SMARCA2: variants seen among roughly 807,000 people sequenced by gnomAD.
The protein encoded by SMARCA2 is SWI/SNF-related matrix-associated actin-dependent regulator of chromatin subfamily A member 2.
A neutral mutation model predicts 199.8 loss-of-function variants in SMARCA2; 61 were observed. The ratio of observed to expected loss-of-function variants is 0.31; its 90% CI spans 0.25 to 0.38. The LOEUF (loss-of-function observed/expected upper bound fraction) is 0.38. Among genes scored for constraint, SMARCA2 ranks in the 10% least tolerant of loss-of-function variants. SMARCA2 has a pLI of 1.00. For synonymous variants in SMARCA2, 935 were observed against 732.0 expected (o/e 1.28, Z -4.48); for missense variants, 1,344 against 2,012.2 (o/e 0.67, Z 6.35).
chr9:2,075,974 T>G (rs1328045438), intron 12 of SMARCA2, among the ~76,000 whole-genome samples: 1 of 152,238 alleles, frequency 6.6e-6, no homozygotes, highest in Non-Finnish European at 1.5e-5. Context: ...GATATTTACA[T>G]ACTCATTCTT....
intron 32 of SMARCA2, among the ~76,000 whole-genome samples, chr9:2,190,096 G>C (rs1024330670): frequency 6.6e-6 from 1 of 152,186 alleles, no homozygotes; most frequent in African/African-American, 2.4e-5. Flanking sequence ...AGCTACCATG[G>C]AGCAGATTGT....
chr9:2,036,021 C>G (rs986406094), intron 3 of SMARCA2, among the ~76,000 whole-genome samples: 13 of 152,150 alleles, frequency 8.5e-5, no homozygotes. Context: ...TTTTAACTAC[C>G]TAGCAACCTA....
chr9:2,134,129 T>G (rs148840537), intron 27 of SMARCA2, among the ~76,000 whole-genome samples: 1 of 152,124 alleles, frequency 6.6e-6, no homozygotes, highest in African/African-American at 2.4e-5. Flanking sequence ...TAATGGATAA[T>G]AGAAAAAGAA....
At chr9:2,179,944 T>G (rs961832822) in intron 29 of SMARCA2, among the ~76,000 whole-genome samples, 1 of 152,188 alleles carries the variant, frequency 6.6e-6, no homozygotes, top group Non-Finnish European at 1.5e-5. Context: ...GATAAAATGT[T>G]TGGGTGTATA....
At chr9:2,097,123 G>C (rs577580454) in intron 20 of SMARCA2, 354 of 491,310 alleles carry the variant, frequency 7.2e-4, no homozygotes, top group Non-Finnish European at 9.6e-4. Context: ...GGAATAGACA[G>C]TCATGTCGCA....
intron 29 of SMARCA2, among the ~76,000 whole-genome samples, chr9:2,178,541 A>G (rs1311031281): frequency 6.6e-6 from 1 of 152,096 alleles, no homozygotes; most frequent in African/African-American, 2.4e-5. Flanking sequence ...CAATTAGACT[A>G]TTGTTCTGTA....
chr9:2,097,302 G>A (rs1221495552), intron 20 of SMARCA2, 83 bp from the exon 21 acceptor site: 1 of 871,834 alleles, frequency 1.1e-6, no homozygotes, highest in Non-Finnish European at 1.9e-6. Context: ...TTTGTCCTTT[G>A]TATAAGAAGC....
rs535412153 is a variant in SMARCA2 at position 2,124,051 on chromosome 9, G to C, written c.3981+114G>C. On this transcript the variant is annotated intron_variant, in intron 27 of 33. Transcript: ENST00000349721. ...AGGAGGTTGAGTTCGCAATCAAAGG[G>C]AAGGGGCTCTTGAACACAGAAGATA... is the stretch of plus-strand genomic sequence containing the variant. 9.3e-5 allele frequency: 73 copies of C among 781,708 alleles called. No homozygotes were observed. In the African/African-American group the frequency reaches 1.1e-3, roughly 12 times the overall value. The allele number at this position is 781,708 out of a possible 1,614,324, so 48.4% of individuals were successfully genotyped here. A position where few individuals can be genotyped will look rare whatever the true frequency, so the allele number is the denominator to read the frequency against.
rs1820273115 is a variant in SMARCA2, at chr9:2,054,717, G to A, written c.1167G>A (p.Gln389=). ...ELKALRLLNF[Q]RQLRQEVVAC... Reference sequence around the variant, plus strand: ...AAGCACTTCGGTTACTCAATTTCCAGCGTCAGGTAATACATTTTCCCCAGT... The same window carrying A: ...AAGCACTTCGGTTACTCAATTTCCAACGTCAGGTAATACATTTTCCCCAGT... The change falls in exon 6 of 34, where the codon CAG becomes CAA. Residue 389 remains glutamine (Q), a synonymous_variant. Coordinates refer to ENST00000349721, the MANE Select transcript of SMARCA2 (RefSeq NM_003070.5). 1 of 1,613,894 alleles carries A rather than the reference G, an allele frequency of 6.2e-7. No homozygotes were observed. The highest frequency in any genetic ancestry group is 1.7e-5 in the Admixed American group (1 of 59,988).
At chr9:2,022,480 A>T (rs943263815) in intron 1 of SMARCA2, among the ~76,000 whole-genome samples, 3 of 152,212 alleles carry the variant, frequency 2.0e-5, no homozygotes, top group African/African-American at 7.2e-5. Context: ...TTTAACTGCA[A>T]TGAACTTGGA....
intron 32 of SMARCA2, among the ~76,000 whole-genome samples, chr9:2,190,336 T>C (rs540437858): frequency 6.6e-6 from 1 of 152,280 alleles, no homozygotes; most frequent in Admixed American, 6.5e-5. Context: ...GCTTTGTTTA[T>C]ACTAGCAAAA....
At chr9:2,178,587 C>T (rs990801080) in intron 29 of SMARCA2, among the ~76,000 whole-genome samples, 3 of 151,926 alleles carry the variant, frequency 2.0e-5, no homozygotes, top group Non-Finnish European at 4.4e-5. Flanking sequence ...TGGCCGGGGG[C>T]AGGGTGGTGC....
At chr9:2,118,666 T>G (rs1424578144) in intron 25 of SMARCA2, among the ~76,000 whole-genome samples, 6 of 152,222 alleles carry the variant, frequency 3.9e-5, no homozygotes. Context: ...ATTTTTTAAG[T>G]GTGGAAGTCA....
chr9:2,103,505 G>C (rs1246640438), intron 22 of SMARCA2, among the ~76,000 whole-genome samples: 1 of 152,050 alleles, frequency 6.6e-6, no homozygotes, highest in Non-Finnish European at 1.5e-5. Flanking sequence ...TATATACATG[G>C]CTAGCACTGT....
At chr9:2,023,233 T>A (rs1818682350) in intron 1 of SMARCA2, among the ~76,000 whole-genome samples, 1 of 152,162 alleles carries the variant, frequency 6.6e-6, no homozygotes. Context: ...TATCTTTTGT[T>A]GTGCACAGAG....
chr9:2,156,428 T>C, intron 27 of SMARCA2, among the ~76,000 whole-genome samples: 1 of 32,242 alleles, frequency 3.1e-5, no homozygotes, highest in Non-Finnish European at 1.1e-4. Flanking sequence ...TTTTTTTTTT[T>C]TTTTTTTTTT....
At chr9:2,182,881 C>G (rs936291131) in intron 31 of SMARCA2, among the ~76,000 whole-genome samples, 2 of 152,010 alleles carry the variant, frequency 1.3e-5, no homozygotes, top group South Asian at 2.1e-4. Flanking sequence ...ACTTCCACCT[C>G]CCTGGTTCAA....
intron 31 of SMARCA2, 132 bp from the exon 32 acceptor site, chr9:2,185,964 G>A (rs1045452366): frequency 4.7e-6 from 4 of 847,682 alleles, no homozygotes; most frequent in South Asian, 3.6e-5. Flanking sequence ...GGGTTTTCAT[G>A]TGGGCATAAA....
At chr9:2,124,735 G>T (rs1302542341) in intron 27 of SMARCA2, among the ~76,000 whole-genome samples, 2 of 152,130 alleles carry the variant, frequency 1.3e-5, no homozygotes, top group South Asian at 4.1e-4. Context: ...ATCTCAGAAC[G>T]TTCCTTGGGC....
Sources: allele counts gnomAD v4.1 joint callset (sites outside exome capture counted in the v4.1 genomes callset), GRCh38; gene constraint gnomAD v4.1.1; transcripts MANE v1.5; gene names NCBI Gene and HGNC (gene_info 2026-07-23, HGNC 2026-07-21).